ALG13: variants seen among roughly 807,000 people sequenced by gnomAD.
The protein encoded by ALG13 is UDP-N-acetylglucosamine transferase subunit ALG13.
In ALG13, 11 loss-of-function variants were observed where a neutral mutation model predicts 87.8. The ratio of observed to expected loss-of-function variants is 0.13; its 90% CI spans 0.08 to 0.21. The LOEUF is 0.21. Ranked by LOEUF, ALG13 falls within the 10% of genes least tolerant of loss-of-function variation. The pLI is 1.00. For synonymous variants in ALG13, 320 were observed against 306.3 expected, an observed-to-expected ratio of 1.04 and a Z score of -0.47; for missense variants, 756 against 866.1, an observed-to-expected ratio of 0.87 and a Z score of 1.60.
intron 3 of ALG13, chrX:111,685,311 G>A (rs1237195038): frequency 5.3e-6 from 2 of 377,862 alleles, no homozygotes; most frequent in Admixed American, 5.4e-5. Context: ...ATCTGTGGCT[G>A]TTTCTTTGCA....
chrX:111,708,390 G>A lies in ALG13; in HGVS notation c.747G>A (p.Glu249=). The A allele has an allele frequency of 8.3e-7, 1 of 1,207,328 alleles. No individual in the cohort carries two copies. The part of the protein sequence containing the change: ...DASCLFRAIS[E]QLFCSQVHHL... Reference sequence around the variant, plus strand: ...CTTGCCTCTTTCGGGCCATTTCGGAGCAGGTAAAAGGAAAACATATCTTCC... The same window carrying A: ...CTTGCCTCTTTCGGGCCATTTCGGAACAGGTAAAAGGAAAACATATCTTCC... The change falls in exon 4 of 27, where the codon GAG becomes GAA. Residue 249 remains glutamate (E), a synonymous_variant. Coordinates refer to ENST00000394780, the MANE Select transcript of ALG13 (RefSeq NM_001099922.3).
At position 111,727,444 on chromosome X, in the gene ALG13, C is replaced by T. The variant is rs1376010208; in HGVS notation, c.2089C>T (p.Arg697Cys). The T allele has an allele frequency of 3.4e-6, 4 of 1,186,358 alleles. No individual in the cohort carries two copies. Among genetic ancestry groups the T allele is most frequent in the Non-Finnish European group, 4.6e-6 (4 of 876,461 alleles). ...CTATGATAACTTCTCTTATAGATCT[C>T]GGTAAGTATTGTGTTGAAAGTCAGA... The part of the protein sequence containing the change: ...QSYDNFSYRS[R>C]SFRRSHRQMS... The change falls in exon 17 of 27, where the codon CGT (arginine) becomes TGT (cysteine). Residue 697 changes from arginine (R) to cysteine (C), a missense_variant and splice_region_variant. Arg to Cys is a radical substitution (Grantham distance 180, BLOSUM62 -3). Transcript: ENST00000394780.
At chrX:111,741,705 C>G (rs1943752829) in intron 23 of ALG13, among the ~76,000 whole-genome samples, 1 of 109,745 alleles carries the variant, frequency 9.1e-6, no homozygotes, top group Admixed American at 9.8e-5. Context: ...CCCAGCTACT[C>G]TGGAGGCTGA....
chrX:111,690,442 A>C (rs772224967), intron 3 of ALG13: 4 of 707,511 alleles, frequency 5.7e-6, no homozygotes, highest in Admixed American at 8.9e-5. Flanking sequence ...GGAATTAAGG[A>C]TTTTAGATAC....
At position 111,681,217 on chromosome X, in the gene ALG13, C is replaced by A. The variant is rs1432098912; in HGVS notation, c.-2C>A. On this transcript the variant is annotated 5_prime_UTR_variant, in exon 1 of 27. Coordinates refer to ENST00000394780, the MANE Select transcript of ALG13 (RefSeq NM_001099922.3). ...GCGATCAGGGCTTGAGGAACCCGCG[C>A]CATGAAGTGCGTGTTTGTTACCGTA... 1 of 1,211,609 alleles carries A rather than the reference C, an allele frequency of 8.3e-7. No homozygotes were observed. The highest frequency in any genetic ancestry group is 1.1e-6 in the Non-Finnish European group (1 of 895,039).
intron 21 of ALG13, among the ~76,000 whole-genome samples, chrX:111,731,594 A>G (rs929372665): frequency 8.9e-6 from 1 of 111,926 alleles, no homozygotes; most frequent in African/African-American, 3.2e-5. Context: ...TAAGCTTGCT[A>G]CTTACAGAAG....
chrX:111,685,038 C>A lies in ALG13; in HGVS notation c.318C>A (p.Asn106Lys). The A allele has an allele frequency of 2.5e-6, 3 of 1,208,492 alleles. No individual in the cohort carries two copies. Among genetic ancestry groups the A allele is most frequent in the South Asian group, 1.8e-5 (1 of 56,833 alleles). The change falls in exon 3 of 27, where the codon AAC becomes AAA. Residue 106 changes from asparagine to lysine, a missense_variant. By Grantham distance (94) the Asn-to-Lys change is moderately conservative. Transcript: ENST00000394780. ...LVVVINEKLM[N>K]NHQLELAKQL... ...TGGTTATAAACGAAAAGTTGATGAA[C>A]AATCATCAGCTGGAACTGGCAAAGC... is the stretch of plus-strand genomic sequence containing the variant.
intron 8 of ALG13, among the ~76,000 whole-genome samples, chrX:111,715,381 T>G (rs1361564918): frequency 8.9e-6 from 1 of 112,166 alleles, no homozygotes; most frequent in Non-Finnish European, 1.9e-5. Context: ...ACTTTGTTGC[T>G]TTATCTCAGT....
intron 26 of ALG13, 66 bp downstream of exon 26, chrX:111,757,828 A>G (rs1945407286): frequency 1.3e-5 from 13 of 1,039,619 alleles, no homozygotes; most frequent in Non-Finnish European, 1.7e-5. Flanking sequence ...ATTCAATAAT[A>G]GCTTTCATAT....
At chrX:111,698,807 A>G (rs1937330526) in intron 3 of ALG13, among the ~76,000 whole-genome samples, 1 of 111,682 alleles carries the variant, frequency 9.0e-6, no homozygotes, top group African/African-American at 3.3e-5. Flanking sequence ...ACTGTGAATA[A>G]TTCTGTAATG....
In ALG13 at chrX:111,759,849, T is replaced by C. The variant is rs762647183; in HGVS notation, c.3264T>C (p.Val1088=). 3 of 1,211,314 alleles carry C rather than the reference T, an allele frequency of 2.5e-6. No homozygotes were observed. The East Asian group carries it at 8.9e-5, about 36-fold the overall frequency. ...CAGGTTTTGACTCCTGCCTTCCGGTTGTGCCAGATTATTCCTGTGTTCCCC... is the reference window on the plus strand; with the variant it reads ...CAGGTTTTGACTCCTGCCTTCCGGTCGTGCCAGATTATTCCTGTGTTCCCC... ...PLPGFDSCLP[V]VPDYSCVPPW... Residue 1088 remains valine, a synonymous_variant, in exon 27 of 27, where the codon GTT becomes GTC. Transcript: ENST00000394780.
chrX:111,683,315 CCTTT>C (rs1323438904), intron 2 of ALG13, among the ~76,000 whole-genome samples: 8 of 104,412 alleles, frequency 7.7e-5, no homozygotes, highest in African/African-American at 2.1e-4. Context: ...CTTTTCCTTT[CCTTT>C]CTTTCTATTT....
chrX:111,684,154 A>G (rs1316985238), intron 2 of ALG13, among the ~76,000 whole-genome samples: 1 of 112,031 alleles, frequency 8.9e-6, no homozygotes, highest in African/African-American at 3.2e-5. Flanking sequence ...GGCATGAGAT[A>G]GTCAACACTT....
chrX:111,729,060 A>G (rs998209134), intron 19 of ALG13, among the ~76,000 whole-genome samples: 4 of 111,750 alleles, frequency 3.6e-5, no homozygotes, highest in African/African-American at 6.5e-5. Flanking sequence ...TTATCACCAC[A>G]ATAGAGAAAT....
At chrX:111,683,310 C>T (rs1194751300) in intron 2 of ALG13, among the ~76,000 whole-genome samples, 2 of 104,774 alleles carry the variant, frequency 1.9e-5, no homozygotes, top group Non-Finnish European at 3.9e-5. Flanking sequence ...CTTTTCTTTT[C>T]CTTTCCTTTC....
chrX:111,738,787 T>G (rs1943478671), intron 23 of ALG13, among the ~76,000 whole-genome samples: 2 of 101,696 alleles, frequency 2.0e-5, no homozygotes, highest in South Asian at 9.0e-4. Context: ...TCCACCCACC[T>G]CAGCCTCCCA....
intron 8 of ALG13, among the ~76,000 whole-genome samples, chrX:111,714,441 A>G (rs1241566972): frequency 9.0e-6 from 1 of 110,510 alleles, no homozygotes; most frequent in East Asian, 2.9e-4. Context: ...AGAGCAGTCT[A>G]TTCAGAGGAA....
intron 21 of ALG13, among the ~76,000 whole-genome samples, chrX:111,732,559 A>G (rs760721294): frequency 3.6e-5 from 4 of 112,059 alleles, no homozygotes; most frequent in Non-Finnish European, 5.6e-5. Flanking sequence ...GTCATATTTT[A>G]TTGACCAAGT....
chrX:111,728,234 T>C lies in ALG13; in HGVS notation c.2297T>C (p.Val766Ala). The C allele has an allele frequency of 8.3e-7, 1 of 1,211,526 alleles. No individual in the cohort carries two copies. The highest frequency in any genetic ancestry group is 1.1e-6 in the Non-Finnish European group (1 of 895,252). ...GTTCCTGCTACTTCAGGATACTGTGTTGGAAGGCGGGGACATAGCTCAGGC... is the reference window on the plus strand; with the variant it reads ...GTTCCTGCTACTTCAGGATACTGTGCTGGAAGGCGGGGACATAGCTCAGGC... Reference protein sequence around the residue: ...TMVPATSGYCVGRRGHSSGKQ... With the variant: ...TMVPATSGYCAGRRGHSSGKQ... Residue 766 changes from valine to alanine, a missense_variant, in exon 19 of 27, where the codon GTT becomes GCT. Around this residue, in one of 9 missense-constraint regions of ALG13, gnomAD observed 362 missense variants for 383.5 expected, o/e 0.94. Transcript: ENST00000394780.
Sources: gnomAD v4.1 joint callset for allele counts (sites outside exome capture counted in the v4.1 genomes callset) on GRCh38, gnomAD v4.1.1 for gene constraint, gnomAD v4.1.1 regional missense constraint, MANE v1.5 for transcripts, NCBI Gene and HGNC (gene_info 2026-07-23, HGNC 2026-07-21) for gene names.